Variants in KALRN observed in about 807,000 individuals in gnomAD.
KALRN encodes kalirin.
KALRN carries 70 observed loss-of-function variants against 353.7 expected under a neutral mutation model. The observed-to-expected ratio is 0.20, with a 90% CI of 0.16 to 0.24. The LOEUF is 0.24. KALRN is among the 10% of genes least tolerant of loss of function. The pLI, the probability that KALRN is intolerant of heterozygous loss-of-function variation, is 1.00. For synonymous variants in KALRN, 1,391 were observed against 1,434.8 expected (o/e 0.97, Z 0.69); for missense variants, 2,791 against 3,756.7 (o/e 0.74, Z 6.72).
At chr3:124,415,523 G>A (rs952157499) in intron 14 of KALRN, among the ~76,000 whole-genome samples, 2 of 152,148 alleles carry the variant, frequency 1.3e-5, no homozygotes, top group Non-Finnish European at 2.9e-5. Flanking sequence ...TGTTTGCTGC[G>A]GTTCCTTTGC....
intron 1 of KALRN, among the ~76,000 whole-genome samples, chr3:124,091,416 G>C (rs1199129962): frequency 6.6e-6 from 1 of 152,124 alleles, no homozygotes; most frequent in Non-Finnish European, 1.5e-5. Context: ...AGATGAGTGG[G>C]AAAGATTTGG....
At chr3:124,194,235 T>A (rs1411266749) in intron 1 of KALRN, among the ~76,000 whole-genome samples, 1 of 152,174 alleles carries the variant, frequency 6.6e-6, no homozygotes, top group Non-Finnish European at 1.5e-5. Context: ...GAGGGAGCGA[T>A]CGATGTGGGC....
chr3:124,152,485 C>T (rs917578262), intron 1 of KALRN: 78 of 983,772 alleles, frequency 7.9e-5, no homozygotes, highest in Admixed American at 6.8e-4. Flanking sequence ...CCTGGCCATT[C>T]GAATTTCAGT....
At chr3:124,308,943 A>G (rs1580782891) in intron 6 of KALRN, among the ~76,000 whole-genome samples, 2 of 152,232 alleles carry the variant, frequency 1.3e-5, no homozygotes, top group South Asian at 4.1e-4. Context: ...AAAAATTACT[A>G]GACTCAGAAG....
At chr3:124,585,048 G>C in intron 34 of KALRN, 1 of 1,044,602 alleles carries the variant, frequency 9.6e-7, no homozygotes. Flanking sequence ...GCGGCGAAGT[G>C]AGAGAGTTTG....
chr3:124,284,802 G>A (rs1176569960), intron 5 of KALRN, among the ~76,000 whole-genome samples: 8 of 152,286 alleles, frequency 5.3e-5, no homozygotes, highest in East Asian at 1.9e-4. Flanking sequence ...TCAAGGAAAT[G>A]TATTATTTCA....
At chr3:124,670,439 C>A (rs73195549) in intron 47 of KALRN, among the ~76,000 whole-genome samples, 3,193 of 152,270 alleles carry the variant, frequency 0.021, 62 homozygotes, top group East Asian at 0.079. Flanking sequence ...TCTGGTGGGC[C>A]TGTTATTACT....
chr3:124,664,558 G>A (rs1293746345), intron 45 of KALRN, among the ~76,000 whole-genome samples: 1 of 151,922 alleles, frequency 6.6e-6, no homozygotes, highest in East Asian at 1.9e-4. Flanking sequence ...TTACAGGCAG[G>A]CGCCACCACG....
At chr3:124,549,319 C>CG (rs2070134434) in intron 33 of KALRN, among the ~76,000 whole-genome samples, 1 of 106,488 alleles carries the variant, frequency 9.4e-6, no homozygotes, top group African/African-American at 3.7e-5. Context: ...CCCAAGAAGC[C>CG]AACACACACA....
At chr3:124,694,875 T>G (rs578211504) in intron 53 of KALRN, among the ~76,000 whole-genome samples, 1 of 152,328 alleles carries the variant, frequency 6.6e-6, no homozygotes, top group South Asian at 2.1e-4. Flanking sequence ...AAGTCAAGCA[T>G]GCACCATACT....
At chr3:124,054,772 T>A (rs2041371506) in intron 1 of KALRN, among the ~76,000 whole-genome samples, 1 of 152,338 alleles carries the variant, frequency 6.6e-6, no homozygotes, top group Admixed American at 6.5e-5. Flanking sequence ...AGTTGTATGA[T>A]ACAGTCTTCC....
In KALRN at chr3:124,462,121, G is replaced by A. The variant is rs191254766; in HGVS notation, c.3921+165G>A. On this transcript the variant is annotated intron_variant, in intron 24 of 59. Coordinates refer to ENST00000682506, the MANE Select transcript of KALRN (RefSeq NM_001388419.1). ...CTCCTAAAGTCAACAATAATTACAT[G>A]AGAGTTTAAAGTACTTTTGAAAAGA... Among the ~76,000 whole-genome samples, 131 of 152,294 alleles carry A rather than the reference G, an allele frequency of 8.6e-4. 1 individual carries two copies. Among genetic ancestry groups the A allele is most frequent in the Admixed American group, 1.7e-3 (26 of 15,294 alleles).
At chr3:124,136,198 GT>G (rs1174864793) in intron 1 of KALRN, among the ~76,000 whole-genome samples, 1 of 133,168 alleles carries the variant, frequency 7.5e-6, no homozygotes. Flanking sequence ...TAGATTATGG[GT>G]TTTTCATTTT....
chr3:124,654,248 C>T (rs2083739012), intron 38 of KALRN, among the ~76,000 whole-genome samples: 1 of 152,176 alleles, frequency 6.6e-6, no homozygotes, highest in Admixed American at 6.5e-5. Flanking sequence ...ACATGATTGT[C>T]TGTGCTGGAG....
intron 1 of KALRN, among the ~76,000 whole-genome samples, chr3:124,049,652 TG>T (rs1216248523): frequency 7.9e-5 from 12 of 152,172 alleles, no homozygotes; most frequent in Non-Finnish European, 1.5e-4. Context: ...TTTTCATGTC[TG>T]GTAGGAAATT....
chr3:124,434,334 A>G lies in KALRN; in HGVS notation c.2857A>G (p.Lys953Glu). The change falls in exon 17 of 60, where the codon AAG becomes GAG. Residue 953 changes from lysine (K) to glutamate (E), a missense_variant. Coordinates refer to ENST00000682506, the MANE Select transcript of KALRN (RefSeq NM_001388419.1). ...CCTCTTTCATGCCACTTCCTTGCAG[A>G]AGACGCACCAGAGTGCCCTGCAGGT... ...ESLFHATSLQ[K>E]THQSALQVQQ... 6.2e-7 allele frequency: 1 copy of G among 1,613,070 alleles called. No homozygotes were observed. The highest frequency in any genetic ancestry group is 8.5e-7 in the Non-Finnish European group (1 of 1,179,994).
At chr3:124,565,988 T>G (rs1467548339) in intron 34 of KALRN, among the ~76,000 whole-genome samples, 1 of 152,154 alleles carries the variant, frequency 6.6e-6, no homozygotes. Flanking sequence ...AGGGAGGCTG[T>G]CATAGAACTT....
chr3:124,482,729 C>T, intron 27 of KALRN, 79 bp from the exon 28 acceptor site: 3 of 922,820 alleles, frequency 3.3e-6, no homozygotes, highest in African/African-American at 1.6e-5. Context: ...TCTTCTGACC[C>T]CTGCCTTTCT....
chr3:124,140,350 A>G (rs2066466802), intron 1 of KALRN, among the ~76,000 whole-genome samples: 1 of 152,240 alleles, frequency 6.6e-6, no homozygotes, highest in Admixed American at 6.5e-5. Flanking sequence ...ATAAATCTCT[A>G]ATGGTAGAAT....
Sources: allele counts gnomAD v4.1 joint callset (sites outside exome capture counted in the v4.1 genomes callset), GRCh38; gene constraint gnomAD v4.1.1; transcripts MANE v1.5; gene names NCBI Gene and HGNC (gene_info 2026-07-23, HGNC 2026-07-21).